The following THADA variants were observed in gnomAD, a reference collection of about 807,000 sequenced individuals.
The protein encoded by THADA is tRNA (32-2'-O)-methyltransferase regulator THADA.
THADA carries 213 observed loss-of-function variants against 219.8 expected under a neutral mutation model. The observed-to-expected ratio is 0.97, with a 90% CI of 0.87 to 1.09. The LOEUF is 1.09. Ranked by LOEUF, THADA falls within the 50% of genes least tolerant of loss-of-function variation. The pLI, the probability that THADA is intolerant of heterozygous loss-of-function variation, is 0.00. For missense variants in THADA, 2,956 were observed against 2,311.3 expected, an observed-to-expected ratio of 1.28 and a Z score of -5.72; for synonymous variants, 1,018 against 828.9, an observed-to-expected ratio of 1.23 and a Z score of -3.92.
At chr2:43,460,972 A>C (rs1683573806) in intron 26 of THADA, among the ~76,000 whole-genome samples, 1 of 152,160 alleles carries the variant, frequency 6.6e-6, no homozygotes, top group Non-Finnish European at 1.5e-5. Context: ...GAGGAGGAGA[A>C]AAGTCAGTGG....
intron 30 of THADA, among the ~76,000 whole-genome samples, chr2:43,342,783 G>A (rs1263981275): frequency 6.6e-6 from 1 of 152,040 alleles, no homozygotes; most frequent in East Asian, 1.9e-4. Context: ...TTATATTTTT[G>A]TATCCCTATA....
At chr2:43,313,447 G>A (rs1677734219) in intron 31 of THADA, among the ~76,000 whole-genome samples, 1 of 152,246 alleles carries the variant, frequency 6.6e-6, no homozygotes, top group African/African-American at 2.4e-5. Flanking sequence ...GCAGAGTGAT[G>A]AGATCTGAAC....
intron 31 of THADA, among the ~76,000 whole-genome samples, chr2:43,318,838 C>G (rs1159404294): frequency 1.3e-5 from 2 of 152,128 alleles, no homozygotes; most frequent in East Asian, 3.8e-4. Context: ...AAGTCATCTT[C>G]AAGGAACCCA....
At chr2:43,363,751 C>A (rs141107311) in intron 29 of THADA, among the ~76,000 whole-genome samples, 108 of 152,180 alleles carry the variant, frequency 7.1e-4, no homozygotes, top group African/African-American at 2.6e-3. Flanking sequence ...ACACACAGTT[C>A]CTGAGGATGA....
At chr2:43,416,334 C>A (rs1676964710) in intron 28 of THADA, among the ~76,000 whole-genome samples, 1 of 152,156 alleles carries the variant, frequency 6.6e-6, no homozygotes, top group Non-Finnish European at 1.5e-5. Flanking sequence ...ATATATTTTT[C>A]CACAGTTTCT....
chr2:43,540,692 C>A (rs889336589), intron 21 of THADA, among the ~76,000 whole-genome samples: 1 of 152,182 alleles, frequency 6.6e-6, no homozygotes, highest in African/African-American at 2.4e-5. Flanking sequence ...AGATGGTGAA[C>A]TAACTTTGTG....
chr2:43,361,546 T>C (rs1172770006), intron 29 of THADA, among the ~76,000 whole-genome samples: 1 of 152,234 alleles, frequency 6.6e-6, no homozygotes, highest in Non-Finnish European at 1.5e-5. Flanking sequence ...GTAGCTTTCT[T>C]GACTCCTCTG....
At chr2:43,274,031 C>A (rs144526347) in intron 36 of THADA, among the ~76,000 whole-genome samples, 7 of 152,188 alleles carry the variant, frequency 4.6e-5, no homozygotes, top group African/African-American at 1.4e-4. Flanking sequence ...CTACATCTCG[C>A]TCCTACTTCC....
chr2:43,325,898 G>C (rs1240279974), intron 30 of THADA, among the ~76,000 whole-genome samples: 2 of 152,100 alleles, frequency 1.3e-5, no homozygotes, highest in Admixed American at 6.5e-5. Flanking sequence ...CAGGTAATAA[G>C]CTACCCTACA....
rs567327560 is a variant in THADA, at chr2:43,489,960, C to A, written c.3745-4635G>T. ...TTAATTAATTTGGGGAATACGTCAT[C>A]TTAACAATAGTTAAGTCTTCCAGTG... On this transcript the variant is annotated intron_variant, in intron 25 of 37. Transcript: ENST00000405975. 6.8e-4 allele frequency among the ~76,000 whole-genome samples: 101 copies of A among 147,968 alleles called. 1 individual carries two copies. The highest frequency in any genetic ancestry group is 1.3e-3 in the Non-Finnish European group (90 of 67,244).
chr2:43,529,624 T>A (rs184466719), intron 21 of THADA, among the ~76,000 whole-genome samples: 43 of 152,224 alleles, frequency 2.8e-4, no homozygotes, highest in Non-Finnish European at 4.6e-4. Context: ...TTAGTAACTA[T>A]TGTCTTTTAA....
At chr2:43,502,924 T>C (rs1689194473) in intron 24 of THADA, among the ~76,000 whole-genome samples, 2 of 152,080 alleles carry the variant, frequency 1.3e-5, no homozygotes, top group African/African-American at 4.8e-5. Flanking sequence ...GCAAAGTCTT[T>C]CAACAGACAA....
chr2:43,557,190 T>C (rs1259028229), intron 16 of THADA, among the ~76,000 whole-genome samples: 2 of 152,256 alleles, frequency 1.3e-5, no homozygotes, highest in East Asian at 3.8e-4. Context: ...GTGAGTTTTT[T>C]ATTACAGTAA....
chr2:43,483,389 A>G (rs1686482336), intron 26 of THADA, among the ~76,000 whole-genome samples: 1 of 152,228 alleles, frequency 6.6e-6, no homozygotes, highest in South Asian at 2.1e-4. Context: ...CAAATTTAAG[A>G]CACTAAAGGT....
chr2:43,563,511 G>C (rs1038215520), intron 15 of THADA: 10 of 152,076 alleles, frequency 6.6e-5, no homozygotes, highest in African/African-American at 2.4e-4. Flanking sequence ...CAAATTCTAT[G>C]TATTACTTGT....
At chr2:43,529,155 T>TA (rs1425188374) in intron 21 of THADA, among the ~76,000 whole-genome samples, 17 of 151,410 alleles carry the variant, frequency 1.1e-4, no homozygotes, top group African/African-American at 2.2e-4. Context: ...ATGACTTTTT[T>TA]TAAAAAAAAA....
chr2:43,317,184 T>C (rs1425123917), intron 31 of THADA, among the ~76,000 whole-genome samples: 1 of 152,198 alleles, frequency 6.6e-6, no homozygotes, highest in Non-Finnish European at 1.5e-5. Context: ...TACTTCCTAC[T>C]CTGGACTTTG....
At position 43,272,502 on chromosome 2, in the gene THADA, T is replaced by A. The variant is rs1410568111; in HGVS notation, c.5296+7263A>T. ...GTTGAATGAATGAACAAGTGAATGA[T>A]TGAATACCCTTGATCTGACCACTTC... On this transcript the variant is annotated intron_variant, in intron 36 of 37. Coordinates refer to ENST00000405975, the MANE Select transcript of THADA (RefSeq NM_022065.5). Among the ~76,000 whole-genome samples the A allele has an allele frequency of 2.0e-5, 3 of 152,284 alleles. No homozygotes were observed. In the South Asian group the frequency reaches 6.2e-4, roughly 32 times the overall value.
At chr2:43,457,535 C>T (rs1683161633) in intron 26 of THADA, among the ~76,000 whole-genome samples, 1 of 152,078 alleles carries the variant, frequency 6.6e-6, no homozygotes, top group African/African-American at 2.4e-5. Context: ...ATGACTGATA[C>T]AAAGACTAAA....
Sources: allele counts gnomAD v4.1 joint callset (sites outside exome capture counted in the v4.1 genomes callset), GRCh38; gene constraint gnomAD v4.1.1; transcripts MANE v1.5; gene names NCBI Gene and HGNC (gene_info 2026-07-23, HGNC 2026-07-21).